The following CSMD1 variants were observed in gnomAD, a reference collection of about 807,000 sequenced individuals.
CSMD1 encodes the protein CUB and Sushi multiple domains 1, also known as CUB and sushi domain-containing protein 1.
Under a neutral mutation model 417.5 loss-of-function variants are expected in CSMD1, and 213 were observed. The observed-to-expected ratio is 0.51, with a 90% confidence interval of 0.46 to 0.57. CSMD1 has a LOEUF of 0.57. CSMD1 is among the 20% of genes least tolerant of loss of function. The pLI, the probability that CSMD1 is intolerant of heterozygous loss-of-function variation, is 0.00. For synonymous variants in CSMD1, 2,862 were observed against 1,736.8 expected (o/e 1.65, Z -16.11); for missense variants, 6,923 against 4,529.7 (o/e 1.53, Z -15.17).
chr8:4,606,683 G>A (rs1196177230), intron 2 of CSMD1, among the ~76,000 whole-genome samples: 2 of 152,188 alleles, frequency 1.3e-5, no homozygotes, highest in East Asian at 3.9e-4. Context: ...GATGACTTCT[G>A]TACATAATAT....
chr8:3,386,967 G>C (rs1811041966), intron 18 of CSMD1, among the ~76,000 whole-genome samples: 1 of 152,144 alleles, frequency 6.6e-6, no homozygotes, highest in Non-Finnish European at 1.5e-5. Flanking sequence ...AGATTCCCAA[G>C]AGAAGATTTG....
intron 3 of CSMD1, among the ~76,000 whole-genome samples, chr8:4,265,077 T>C (rs898881243): frequency 3.3e-5 from 5 of 152,172 alleles, no homozygotes; most frequent in Admixed American, 1.3e-4. Context: ...GCTCCTTATA[T>C]AGAATCATCA....
chr8:4,855,773 C>G (rs1372119517), intron 1 of CSMD1, among the ~76,000 whole-genome samples: 1 of 151,466 alleles, frequency 6.6e-6, no homozygotes, highest in African/African-American at 2.4e-5. Flanking sequence ...GTGAAAAGAC[C>G]AAATCTACGT....
chr8:4,550,642 G>T (rs921090948), intron 2 of CSMD1, among the ~76,000 whole-genome samples: 3 of 152,078 alleles, frequency 2.0e-5, no homozygotes, highest in Non-Finnish European at 2.9e-5. Flanking sequence ...GGATTTAAAA[G>T]GATCTCTAAC....
At chr8:4,198,465 G>C (rs926414655) in intron 3 of CSMD1, among the ~76,000 whole-genome samples, 1 of 152,162 alleles carries the variant, frequency 6.6e-6, no homozygotes, top group Non-Finnish European at 1.5e-5. Context: ...ATGGATTTGG[G>C]GGATGAGAAA....
At position 4,149,176 on chromosome 8, in the gene CSMD1, C is replaced by G. The variant is rs551447108; in HGVS notation, c.416-117077G>C. ...ACAGGGTTTTCCCATGTTGGCTAGGCTGGTCTCGAACTCCTGACCTCAGGT... is the reference window on the plus strand; with the variant it reads ...ACAGGGTTTTCCCATGTTGGCTAGGGTGGTCTCGAACTCCTGACCTCAGGT... On this transcript the variant is annotated intron_variant, in intron 3 of 69. Transcript: ENST00000635120. Among the ~76,000 whole-genome samples the G allele has an allele frequency of 2.0e-5, 3 of 152,202 alleles. No homozygotes were observed. The East Asian group carries it at 5.8e-4, about 30-fold the overall frequency.
intron 8 of CSMD1, among the ~76,000 whole-genome samples, chr8:3,593,007 T>C (rs1800925497): frequency 6.6e-6 from 1 of 152,184 alleles, no homozygotes; most frequent in African/African-American, 2.4e-5. Context: ...TCAGAACTCC[T>C]GGCCTGTGCT....
chr8:3,685,660 T>G (rs554580788), intron 7 of CSMD1, among the ~76,000 whole-genome samples: 1 of 152,226 alleles, frequency 6.6e-6, no homozygotes, highest in African/African-American at 2.4e-5. Flanking sequence ...CTGGGGGTGC[T>G]TTTCTGAGGA....
intron 2 of CSMD1, among the ~76,000 whole-genome samples, chr8:4,586,847 G>C (rs868144020): frequency 6.6e-6 from 1 of 152,172 alleles, no homozygotes; most frequent in Non-Finnish European, 1.5e-5. Context: ...GATCATGGCA[G>C]GTGTTCAACT....
At chr8:3,466,102 A>C (rs540107647) in intron 12 of CSMD1, among the ~76,000 whole-genome samples, 1 of 152,348 alleles carries the variant, frequency 6.6e-6, no homozygotes, top group African/African-American at 2.4e-5. Flanking sequence ...AACAGAAATA[A>C]GAGCTCGCAT....
intron 42 of CSMD1, among the ~76,000 whole-genome samples, chr8:3,117,786 G>A (rs1002435172): frequency 2.5e-4 from 38 of 152,222 alleles, no homozygotes; most frequent in African/African-American, 5.8e-4. Flanking sequence ...CAGCCTCTCC[G>A]TAGAGCCCCT....
chr8:3,320,073 G>C (rs531265930), intron 23 of CSMD1, among the ~76,000 whole-genome samples: 2 of 152,226 alleles, frequency 1.3e-5, no homozygotes, highest in South Asian at 4.1e-4. Flanking sequence ...AGCATAGAGG[G>C]GCTGCCACCA....
At chr8:3,803,924 G>C (rs1167033714) in intron 5 of CSMD1, among the ~76,000 whole-genome samples, 4 of 151,962 alleles carry the variant, frequency 2.6e-5, no homozygotes, top group African/African-American at 4.8e-5. Context: ...AAGAGACAAA[G>C]TTTCTCTTTT....
chr8:4,016,782 G>T (rs1796543834), intron 4 of CSMD1, among the ~76,000 whole-genome samples: 1 of 152,210 alleles, frequency 6.6e-6, no homozygotes, highest in South Asian at 2.1e-4. Context: ...TATGTGTATA[G>T]TTGGGTTTTT....
intron 3 of CSMD1, among the ~76,000 whole-genome samples, chr8:4,151,557 T>A (rs1266978206): frequency 6.6e-6 from 1 of 152,214 alleles, no homozygotes; most frequent in Non-Finnish European, 1.5e-5. Flanking sequence ...TAACATTAAA[T>A]TAACATGGGG....
At chr8:3,532,239 C>T (rs927366447) in intron 10 of CSMD1, among the ~76,000 whole-genome samples, 1 of 152,132 alleles carries the variant, frequency 6.6e-6, no homozygotes, top group Non-Finnish European at 1.5e-5. Context: ...AGACCAAGAA[C>T]TCTAGGTGTC....
chr8:3,952,628 G>A (rs1811666353), intron 5 of CSMD1, among the ~76,000 whole-genome samples: 1 of 152,026 alleles, frequency 6.6e-6, no homozygotes, highest in Admixed American at 6.6e-5. Context: ...TTCCTTAATG[G>A]GTAGAGCTGT....
At chr8:3,612,157 T>A (rs1801925575) in intron 8 of CSMD1, among the ~76,000 whole-genome samples, 1 of 152,124 alleles carries the variant, frequency 6.6e-6, no homozygotes, top group South Asian at 2.1e-4. Context: ...AAAATGGCTA[T>A]GCAAATGTAA....
intron 1 of CSMD1, among the ~76,000 whole-genome samples, chr8:4,794,362 G>A (rs764328862): frequency 9.2e-5 from 14 of 151,956 alleles, no homozygotes; most frequent in Non-Finnish European, 1.9e-4. Context: ...CATATAGGAG[G>A]GATTTCTTTT....
Sources: allele counts gnomAD v4.1 joint callset (sites outside exome capture counted in the v4.1 genomes callset), GRCh38; gene constraint gnomAD v4.1.1; transcripts MANE v1.5; gene names NCBI Gene and HGNC (gene_info 2026-07-23, HGNC 2026-07-21).